Variants in CCDC7 observed in about 807,000 individuals in gnomAD.
The protein encoded by CCDC7 is coiled-coil domain containing 7.
A neutral mutation model predicts 196.9 loss-of-function variants in CCDC7; 183 were observed. The ratio of observed to expected loss-of-function variants is 0.93; its 90% CI spans 0.82 to 1.05. CCDC7 has a LOEUF of 1.05. CCDC7 is among the 50% of genes least tolerant of loss of function. CCDC7 has a pLI of 0.00. For missense variants in CCDC7, 1,540 were observed against 1,482.2 expected, an observed-to-expected ratio of 1.04 and a Z score of -0.64; for synonymous variants, 525 against 484.6, an observed-to-expected ratio of 1.08 and a Z score of -1.10.
At chr10:32,656,995 C>T (rs1182477032) in intron 20 of CCDC7, among the ~76,000 whole-genome samples, 1 of 152,192 alleles carries the variant, frequency 6.6e-6, no homozygotes, top group Non-Finnish European at 1.5e-5. Context: ...TCCAATAGGG[C>T]AGTCATTAAA....
At chr10:32,705,517 G>T (rs1243533619) in intron 24 of CCDC7, among the ~76,000 whole-genome samples, 1 of 152,086 alleles carries the variant, frequency 6.6e-6, no homozygotes, top group East Asian at 1.9e-4. Context: ...AAAAGACACA[G>T]ACTGACAAGT....
At chr10:32,640,327 G>A (rs912261555) in intron 20 of CCDC7, among the ~76,000 whole-genome samples, 1 of 151,736 alleles carries the variant, frequency 6.6e-6, no homozygotes, top group Non-Finnish European at 1.5e-5. Flanking sequence ...ATCTTTGTTG[G>A]TTTAAAGTAC....
At chr10:32,666,151 T>C (rs1180360438) in intron 21 of CCDC7, among the ~76,000 whole-genome samples, 1 of 150,756 alleles carries the variant, frequency 6.6e-6, no homozygotes, top group African/African-American at 2.4e-5. Context: ...GACAAAGAAG[T>C]TTCACCGGTG....
intron 28 of CCDC7, among the ~76,000 whole-genome samples, chr10:32,742,617 G>A (rs1485605353): frequency 6.6e-6 from 1 of 152,076 alleles, no homozygotes. Context: ...GTCTGCTCAG[G>A]CTGCCATAAC....
intron 28 of CCDC7, among the ~76,000 whole-genome samples, chr10:32,747,859 TG>T (rs2075046190): frequency 1.3e-5 from 2 of 152,290 alleles, no homozygotes; most frequent in South Asian, 4.1e-4. Context: ...ACCCCATTAC[TG>T]GTTATATAGC....
chr10:32,815,297 G>C (rs1256846296), intron 31 of CCDC7, among the ~76,000 whole-genome samples: 1 of 152,042 alleles, frequency 6.6e-6, no homozygotes, highest in African/African-American at 2.4e-5. Context: ...TTACAAAGTA[G>C]TCTAATAATA....
chr10:32,820,221 A>G (rs1423056552), intron 31 of CCDC7, among the ~76,000 whole-genome samples: 1 of 152,198 alleles, frequency 6.6e-6, no homozygotes, highest in Non-Finnish European at 1.5e-5. Context: ...AATTGCTTCA[A>G]AGAGAATAAA....
intron 9 of CCDC7, among the ~76,000 whole-genome samples, chr10:32,496,602 G>C (rs1035115956): frequency 6.6e-6 from 1 of 152,138 alleles, no homozygotes; most frequent in African/African-American, 2.4e-5. Context: ...CAGCATGAAG[G>C]GCTGTTGAAT....
intron 3 of CCDC7, among the ~76,000 whole-genome samples, chr10:32,459,028 A>G (rs1039845339): frequency 4.6e-5 from 7 of 151,974 alleles, no homozygotes; most frequent in African/African-American, 1.7e-4. Flanking sequence ...ATTTATTTCT[A>G]GGTATCTTAT....
chr10:32,842,954 G>A (rs1009025183), intron 33 of CCDC7, among the ~76,000 whole-genome samples: 2 of 151,846 alleles, frequency 1.3e-5, no homozygotes, highest in African/African-American at 2.4e-5. Context: ...AGTAGGGGGG[G>A]CAAGGGACAA....
intron 1 of CCDC7, among the ~76,000 whole-genome samples, chr10:32,452,505 T>G (rs925298086): frequency 2.0e-5 from 3 of 152,242 alleles, no homozygotes; most frequent in African/African-American, 7.2e-5. Context: ...TCGCCCAGGC[T>G]GGAGTGCCGT....
At chr10:32,880,542 G>A (rs1263810108), downstream of CCDC7, among the ~76,000 whole-genome samples, 1 of 152,104 alleles carries the variant, frequency 6.6e-6, no homozygotes, top group African/African-American at 2.4e-5. Flanking sequence ...AAGCTCCTTA[G>A]TTTAATTAGA....
chr10:32,842,861 A>G (rs187812950), intron 33 of CCDC7, among the ~76,000 whole-genome samples: 9 of 152,184 alleles, frequency 5.9e-5, no homozygotes, highest in East Asian at 1.9e-4. Context: ...CAAACGTTGT[A>G]TGTTCTCACT....
chr10:32,539,756 A>C (rs1441187405), intron 11 of CCDC7, among the ~76,000 whole-genome samples: 1 of 152,006 alleles, frequency 6.6e-6, no homozygotes, highest in African/African-American at 2.4e-5. Context: ...CTTCTGCCTT[A>C]ATTTCATTGT....
intron 39 of CCDC7, among the ~76,000 whole-genome samples, chr10:32,851,150 G>A (rs2093551518): frequency 6.6e-6 from 1 of 151,886 alleles, no homozygotes; most frequent in Admixed American, 6.6e-5. Context: ...TACTACTTCT[G>A]TGAAGTGTAA....
downstream of CCDC7, among the ~76,000 whole-genome samples, chr10:32,880,395 G>A (rs2094747370): frequency 6.6e-6 from 1 of 151,802 alleles, no homozygotes; most frequent in Admixed American, 6.6e-5. Context: ...TTTTTAATGG[G>A]GTTTTTTCTT....
intron 5 of CCDC7, among the ~76,000 whole-genome samples, chr10:32,463,559 G>A (rs1159649004): frequency 6.6e-6 from 1 of 152,044 alleles, no homozygotes; most frequent in Non-Finnish European, 1.5e-5. Context: ...TTCTACTTTG[G>A]AAAATACTTT....
At chr10:32,561,448 G>A in intron 13 of CCDC7, among the ~76,000 whole-genome samples, 1 of 152,162 alleles carries the variant, frequency 6.6e-6, no homozygotes, top group South Asian at 2.1e-4. Context: ...ATAACAAACT[G>A]TCTCTCAGAC....
intron 16 of CCDC7, chr10:32,574,389 C>T (rs774484332): frequency 5.9e-6 from 9 of 1,531,062 alleles, no homozygotes; most frequent in African/African-American, 1.4e-5. Flanking sequence ...GCACATGGCA[C>T]AATATTATTC....
Sources: allele counts gnomAD v4.1 joint callset (sites outside exome capture counted in the v4.1 genomes callset), GRCh38; gene constraint gnomAD v4.1.1; transcripts MANE v1.5; gene names NCBI Gene and HGNC (gene_info 2026-07-23, HGNC 2026-07-21).